The following FSTL5 variants were observed in gnomAD, a reference collection of about 807,000 sequenced individuals.
FSTL5 encodes follistatin-related protein 5.
A neutral mutation model predicts 89.1 loss-of-function variants in FSTL5; 62 were observed. The observed-to-expected ratio is 0.70, with a 90% CI of 0.57 to 0.86. The LOEUF (loss-of-function observed/expected upper bound fraction) is 0.86. Ranked by LOEUF, FSTL5 falls within the 40% of genes least tolerant of loss-of-function variation. The pLI, the probability that FSTL5 is intolerant of heterozygous loss-of-function variation, is 0.00. For synonymous variants in FSTL5, 383 were observed against 346.2 expected (o/e 1.11, Z -1.18); for missense variants, 1,057 against 1,001.6 (o/e 1.06, Z -0.75).
intron 3 of FSTL5, among the ~76,000 whole-genome samples, chr4:161,968,718 G>C (rs919048676): frequency 3.9e-5 from 6 of 151,986 alleles, no homozygotes; most frequent in Non-Finnish European, 8.8e-5. Flanking sequence ...CACCTGTTGT[G>C]ACAAGTAACA....
chr4:161,677,907 C>T (rs907340066), intron 6 of FSTL5, among the ~76,000 whole-genome samples: 9 of 151,606 alleles, frequency 5.9e-5, no homozygotes, highest in South Asian at 2.1e-4. Flanking sequence ...TTCATTTTGC[C>T]GTTCCACAAT....
intron 4 of FSTL5, among the ~76,000 whole-genome samples, chr4:161,911,390 G>A (rs1433242289): frequency 6.6e-6 from 1 of 151,848 alleles, no homozygotes; most frequent in Non-Finnish European, 1.5e-5. Context: ...TTTCATCTTG[G>A]TCTAGAGAGT....
chr4:162,000,350 G>A (rs1736423832), intron 3 of FSTL5, among the ~76,000 whole-genome samples: 1 of 152,046 alleles, frequency 6.6e-6, no homozygotes, highest in Non-Finnish European at 1.5e-5. Context: ...CAGCACTTTG[G>A]GAGGCCAAGG....
intron 12 of FSTL5, among the ~76,000 whole-genome samples, chr4:161,496,447 A>G (rs1232149455): frequency 1.3e-5 from 2 of 152,154 alleles, no homozygotes; most frequent in Non-Finnish European, 2.9e-5. Flanking sequence ...CATAATGTTT[A>G]TGGGCTTCCT....
chr4:162,151,586 T>A (rs1216883106), intron 1 of FSTL5, among the ~76,000 whole-genome samples: 1 of 152,200 alleles, frequency 6.6e-6, no homozygotes, highest in Non-Finnish European at 1.5e-5. Flanking sequence ...TCTTGTATAC[T>A]TGGCATCTTG....
At chr4:162,072,480 A>C (rs1166651104) in intron 2 of FSTL5, among the ~76,000 whole-genome samples, 1 of 151,860 alleles carries the variant, frequency 6.6e-6, no homozygotes, top group African/African-American at 2.4e-5. Context: ...TTCACAAGTA[A>C]TTATCTACTA....
intron 13 of FSTL5, among the ~76,000 whole-genome samples, chr4:161,478,173 A>G (rs1729360600): frequency 6.6e-6 from 1 of 152,144 alleles, no homozygotes; most frequent in Admixed American, 6.5e-5. Flanking sequence ...ACCATAGTAC[A>G]AATTTAAATA....
intron 4 of FSTL5, among the ~76,000 whole-genome samples, chr4:161,886,083 C>G (rs116671662): frequency 3.9e-4 from 59 of 152,200 alleles, no homozygotes; most frequent in African/African-American, 1.4e-3. Context: ...GAGCCAGACA[C>G]TACTGAAGCA....
At chr4:161,389,142 C>G (rs1268041918) in intron 15 of FSTL5, among the ~76,000 whole-genome samples, 2 of 152,020 alleles carry the variant, frequency 1.3e-5, no homozygotes, top group Non-Finnish European at 2.9e-5. Context: ...ATTCAGAAGT[C>G]TCCCACTGTT....
chr4:161,463,671 TTATAG>T (rs1733653238), intron 13 of FSTL5, among the ~76,000 whole-genome samples: 1 of 152,200 alleles, frequency 6.6e-6, no homozygotes, highest in South Asian at 2.1e-4. Flanking sequence ...CAATTGGTTT[TTATAG>T]AACAGAAGGG....
intron 6 of FSTL5, among the ~76,000 whole-genome samples, chr4:161,723,574 T>C (rs564870651): frequency 6.6e-6 from 1 of 152,214 alleles, no homozygotes; most frequent in South Asian, 2.1e-4. Context: ...TAAATAGGAA[T>C]TTGGAGAGAG....
At chr4:161,541,772 A>C (rs1454495649) in intron 9 of FSTL5, among the ~76,000 whole-genome samples, 1 of 151,996 alleles carries the variant, frequency 6.6e-6, no homozygotes, top group Non-Finnish European at 1.5e-5. Flanking sequence ...AATGCCCATG[A>C]AGAAGATACT....
At chr4:161,580,533 G>A (rs751769051) in intron 8 of FSTL5, among the ~76,000 whole-genome samples, 25 of 152,136 alleles carry the variant, frequency 1.6e-4, no homozygotes, top group Non-Finnish European at 3.2e-4. Context: ...GAAGAAGGGG[G>A]ATGCATTCAT....
chr4:161,594,920 C>T (rs1018332450), intron 7 of FSTL5, among the ~76,000 whole-genome samples: 2 of 151,810 alleles, frequency 1.3e-5, no homozygotes, highest in Admixed American at 1.3e-4. Flanking sequence ...GTAAAAAAGG[C>T]CCCATCATTA....
At chr4:161,443,036 T>C (rs1420293741) in intron 15 of FSTL5, among the ~76,000 whole-genome samples, 2 of 152,136 alleles carry the variant, frequency 1.3e-5, no homozygotes, top group East Asian at 1.9e-4. Flanking sequence ...GCATTTTCAA[T>C]GTTAGCTTCA....
chr4:161,857,328 G>A (rs1483765222), intron 4 of FSTL5, among the ~76,000 whole-genome samples: 1 of 152,096 alleles, frequency 6.6e-6, no homozygotes, highest in Non-Finnish European at 1.5e-5. Context: ...GGAAAGAAGG[G>A]AGAAATCAGT....
At chr4:162,127,731 A>T (rs1732137559) in intron 1 of FSTL5, among the ~76,000 whole-genome samples, 1 of 152,166 alleles carries the variant, frequency 6.6e-6, no homozygotes, top group Admixed American at 6.5e-5. Flanking sequence ...ATTACTATGA[A>T]AATCTGGAAG....
At position 161,896,400 on chromosome 4, in the gene FSTL5, A is replaced by G. The variant is rs202169546; in HGVS notation, c.409+24004T>C. On this transcript the variant is annotated intron_variant, in intron 4 of 15. Transcript: ENST00000306100. ...AGGTCATACTTTCCTTAATTTACCT[A>G]CATCAATGTATTAATACTTTAGATG... Among the ~76,000 whole-genome samples, 11 of 152,260 alleles carry G rather than the reference A, an allele frequency of 7.2e-5. No homozygotes were observed. The East Asian group carries it at 2.1e-3, about 29-fold the overall frequency.
At chr4:162,094,502 C>T (rs1602664) in intron 2 of FSTL5, among the ~76,000 whole-genome samples, 116,050 of 152,060 alleles carry the variant, frequency 0.76, 45,130 homozygotes, top group Non-Finnish European at 0.84. Flanking sequence ...ATAAATTGCG[C>T]ATGAATTTTG....
Sources: allele counts gnomAD v4.1 joint callset (sites outside exome capture counted in the v4.1 genomes callset), GRCh38; gene constraint gnomAD v4.1.1; transcripts MANE v1.5; gene names NCBI Gene and HGNC (gene_info 2026-07-23, HGNC 2026-07-21).